HMGB1: variants seen among roughly 807,000 people sequenced by gnomAD.
HMGB1 encodes high mobility group box 1.
For missense variants in HMGB1, 79 were observed against 253.5 expected (o/e 0.31, Z 4.67); for synonymous variants, 81 against 84.0 (o/e 0.96, Z 0.19).
intron 1 of HMGB1, among the ~76,000 whole-genome samples, chr13:30,529,186 G>A (rs1347710080): frequency 6.6e-6 from 1 of 152,100 alleles, no homozygotes; most frequent in Non-Finnish European, 1.5e-5. Flanking sequence ...GTGTCTGTGA[G>A]TTTCTTTACC....
intron 1 of HMGB1, among the ~76,000 whole-genome samples, chr13:30,529,337 C>T (rs1432129501): frequency 6.6e-6 from 1 of 152,168 alleles, no homozygotes; most frequent in Non-Finnish European, 1.5e-5. Flanking sequence ...CAAACTTTAT[C>T]ATTGACTTAT....
chr13:30,572,047 C>G (rs1431642204), intron 1 of HMGB1, among the ~76,000 whole-genome samples: 1 of 152,060 alleles, frequency 6.6e-6, no homozygotes, highest in Non-Finnish European at 1.5e-5. Flanking sequence ...TAGCTTCAGG[C>G]CTAATTTTGC....
At chr13:30,479,866 C>T (rs534794243) in intron 1 of HMGB1, among the ~76,000 whole-genome samples, 1 of 152,358 alleles carries the variant, frequency 6.6e-6, no homozygotes, top group Non-Finnish European at 1.5e-5. Context: ...AGCTCCACTG[C>T]TTTAAAAACT....
In HMGB1 at chr13:30,613,676, G is replaced by GA. The variant is rs573846383; in HGVS notation, c.-15+2994dup. Among the ~76,000 whole-genome samples the GA allele has an allele frequency of 3.9e-3, 595 of 152,206 alleles. 6 individuals carry two copies. Among genetic ancestry groups the GA allele is most frequent in the African/African-American group, 0.013 (528 of 41,524 alleles). ...ACATACATGCTCTCAGGGCTCACAT[G>GA]AAAAAACAGCCATTCAGGTGATGTG... On this transcript the variant is annotated intron_variant, in intron 1 of 4. Coordinates refer to the HMGB1 transcript ENST00000405805.
Position 30,545,787 on chromosome 13 carries a change from C to G in HMGB1, c.-15+70884G>C, listed in dbSNP as rs540648363. On this transcript the variant is annotated intron_variant, in intron 1 of 4. Coordinates refer to the HMGB1 transcript ENST00000405805. ...CATGGATCACTGTAGCCTCAACCTC[C>G]TGGGCTCAAGAGATCCTCCTGCCTC... is the stretch of plus-strand genomic sequence containing the variant. Among the ~76,000 whole-genome samples, 43 of 152,256 alleles carry G rather than the reference C, an allele frequency of 2.8e-4. No individual in the cohort carries two copies. The South Asian group carries it at 3.1e-3, about 11-fold the overall frequency.
intron 1 of HMGB1, among the ~76,000 whole-genome samples, chr13:30,568,768 G>C (rs1263553792): frequency 2.0e-5 from 3 of 152,158 alleles, no homozygotes; most frequent in Non-Finnish European, 4.4e-5. Context: ...ACAGCCTCCA[G>C]AACTTCTGGC....
chr13:30,577,690 T>C (rs1870718882), intron 1 of HMGB1, among the ~76,000 whole-genome samples: 1 of 152,210 alleles, frequency 6.6e-6, no homozygotes, highest in Non-Finnish European at 1.5e-5. Flanking sequence ...AATCTCTCTG[T>C]GTGTCAGTAA....
chr13:30,509,430 G>C (rs1403412336), intron 1 of HMGB1, among the ~76,000 whole-genome samples: 5 of 151,936 alleles, frequency 3.3e-5, no homozygotes, highest in Non-Finnish European at 2.9e-5. Flanking sequence ...GTTGAGACGG[G>C]GTTTCGCAAT....
intron 1 of HMGB1, among the ~76,000 whole-genome samples, chr13:30,576,895 T>C (rs1001310717): frequency 6.6e-6 from 1 of 152,168 alleles, no homozygotes; most frequent in African/African-American, 2.4e-5. Context: ...TCTCCAGAAT[T>C]GTCGCTGTCA....
intron 1 of HMGB1, among the ~76,000 whole-genome samples, chr13:30,528,412 G>A (rs1888417952): frequency 6.6e-6 from 1 of 152,112 alleles, no homozygotes; most frequent in Admixed American, 6.6e-5. Context: ...CTACTGTGGT[G>A]GGGGGAGGGT....
intron 1 of HMGB1, among the ~76,000 whole-genome samples, chr13:30,550,144 C>T (rs760170968): frequency 4.0e-5 from 6 of 149,154 alleles, no homozygotes; most frequent in South Asian, 4.1e-4. Flanking sequence ...TTTTCCTTAA[C>T]ATTAAATTGA....
intron 1 of HMGB1, among the ~76,000 whole-genome samples, chr13:30,512,883 C>T (rs1241851893): frequency 6.6e-6 from 1 of 152,156 alleles, no homozygotes; most frequent in African/African-American, 2.4e-5. Context: ...ATGACTAGGG[C>T]CGCACACAGT....
intron 1 of HMGB1, among the ~76,000 whole-genome samples, chr13:30,564,278 C>CAAAAAAAAA (rs60208654): frequency 2.8e-5 from 3 of 105,818 alleles, no homozygotes; most frequent in Non-Finnish European, 4.0e-5. Flanking sequence ...ACTAAAAATG[C>CAAAAAAAAA]AAAAAAAAAA....
intron 1 of HMGB1, 120 bp from the exon 2 acceptor site, chr13:30,463,814 C>T: frequency 1.6e-6 from 1 of 640,774 alleles, no homozygotes; most frequent in Non-Finnish European, 2.6e-6. Flanking sequence ...GCGACATCAA[C>T]CTCCGTAAAA....
chr13:30,499,649 C>T lies in HMGB1; in HGVS notation c.-14-35955G>A, dbSNP rs570209569. ...AGAAGCACAAAGTATGAGAAATAAA[C>T]CTTCATTAATTGTAGATTCCCTCTT... On this transcript the variant is annotated intron_variant, in intron 1 of 4. Coordinates refer to the HMGB1 transcript ENST00000405805. Among the ~76,000 whole-genome samples, 24 of 152,242 alleles carry T rather than the reference C, an allele frequency of 1.6e-4. No individual in the cohort carries two copies. The East Asian group carries it at 4.6e-3, about 29-fold the overall frequency.
At chr13:30,484,697 CTG>C (rs2137434689) in intron 1 of HMGB1, among the ~76,000 whole-genome samples, 1 of 151,170 alleles carries the variant, frequency 6.6e-6, no homozygotes, top group South Asian at 2.1e-4. Context: ...TTGTGAGACC[CTG>C]TCTCAAAAAA....
upstream of HMGB1, among the ~76,000 whole-genome samples, chr13:30,467,269 C>A (rs887784952): frequency 6.6e-6 from 1 of 152,176 alleles, no homozygotes; most frequent in East Asian, 1.9e-4. Flanking sequence ...ATCCAACAAC[C>A]AATTCCTCCA....
intron 1 of HMGB1, among the ~76,000 whole-genome samples, chr13:30,586,933 GAATA>G (rs1727384784): frequency 6.6e-6 from 1 of 151,868 alleles, no homozygotes; most frequent in Non-Finnish European, 1.5e-5. Flanking sequence ...TTCATATATT[GAATA>G]AATGTTTGTT....
rs574983886 is a variant in HMGB1 at position 30,601,960 on chromosome 13, T to C, written c.-15+14711A>G. Reference sequence around the variant, plus strand: ...TGCTTTTGCCCTCTTGGAACACTCCTGTTGCCATGTTAAGAAAAACTCTGG... The same window carrying C: ...TGCTTTTGCCCTCTTGGAACACTCCCGTTGCCATGTTAAGAAAAACTCTGG... On this transcript the variant is annotated intron_variant, in intron 1 of 4. Transcript: ENST00000405805. Among the ~76,000 whole-genome samples, 7 of 152,230 alleles carry C rather than the reference T, an allele frequency of 4.6e-5. No individual in the cohort carries two copies. In the South Asian group the frequency reaches 1.5e-3, roughly 32 times the overall value.
Sources: allele counts gnomAD v4.1 joint callset (sites outside exome capture counted in the v4.1 genomes callset), GRCh38; gene constraint gnomAD v4.1.1; transcripts MANE v1.5; gene names NCBI Gene and HGNC (gene_info 2026-07-23, HGNC 2026-07-21).